ABCG5: variants seen among roughly 807,000 people sequenced by gnomAD.
The protein encoded by ABCG5 is ATP binding cassette subfamily G member 5.
Under a neutral mutation model 64.5 loss-of-function variants are expected in ABCG5, and 64 were observed. The observed-to-expected ratio is 0.99, with a 90% confidence interval of 0.81 to 1.22. The LOEUF is 1.22. Ranked by LOEUF, ABCG5 falls within the 50% of genes most tolerant of loss-of-function variation. The pLI is 0.00. For synonymous variants in ABCG5, 385 were observed against 326.3 expected (o/e 1.18, Z -1.94); for missense variants, 908 against 829.5 (o/e 1.09, Z -1.16).
intron 2 of ABCG5, 77 bp from the exon 3 acceptor site, chr2:43,832,160 C>A: frequency 3.2e-6 from 5 of 1,543,304 alleles, no homozygotes; most frequent in Non-Finnish European, 4.4e-6. Context: ...ACCCTCTGTG[C>A]AGGCATGACC....
Position 43,838,459 on chromosome 2 carries a change from G to A in ABCG5, c.143+78C>T, listed in dbSNP as rs184460585. The A allele has an allele frequency of 2.4e-5, 34 of 1,420,788 alleles. No individual in the cohort carries two copies. In the Admixed American group the frequency reaches 4.6e-4, roughly 19 times the overall value. The allele number at this position is 1,420,788 out of a possible 1,614,324, so 88.0% of individuals were successfully genotyped here. On this transcript the variant is annotated intron_variant, in intron 1 of 12. Transcript: ENST00000405322. The surrounding 1 kb of genome is among the most constrained non-coding windows in gnomAD (Gnocchi z 4.2). Reference sequence around the variant, plus strand: ...AAGTGCCCAGACTGGCACTTAAAGAGTGAAGAAAGGCAGCAGAGGGGTGAG... The same window carrying A: ...AAGTGCCCAGACTGGCACTTAAAGAATGAAGAAAGGCAGCAGAGGGGTGAG...
Position 43,822,480 on chromosome 2 carries a change from C to G in ABCG5, c.1463+317G>C, listed in dbSNP as rs565656392. The G allele has an allele frequency of 5.0e-4, 371 of 737,028 alleles. 35 individuals carry two copies. The highest frequency in any genetic ancestry group is 2.3e-3 in the South Asian group (36 of 15,798). The allele number at this position is 737,028 out of a possible 1,614,324, so 45.7% of individuals were successfully genotyped here. On this transcript the variant is annotated intron_variant, in intron 10 of 12. Coordinates refer to ENST00000405322, the MANE Select transcript of ABCG5 (RefSeq NM_022436.3). ...GGCTGCTTTCTCCCCTCCCCCAGGC[C>G]CCCCCCCATGCACCTGGGTCCTAGC...
At chr2:43,810,711 G>A (rs965685807), downstream of ABCG5, among the ~76,000 whole-genome samples, 1 of 152,160 alleles carries the variant, frequency 6.6e-6, no homozygotes, top group African/African-American at 2.4e-5. Flanking sequence ...CAGTACGTAT[G>A]GTTCTGACAC....
In ABCG5 at chr2:43,824,098, AC is replaced by A. The variant is rs755809709; in HGVS notation, c.1138del (p.Val380Ter). 3 of 1,613,850 alleles carry A rather than the reference AC, an allele frequency of 1.9e-6. No homozygotes were observed. Among genetic ancestry groups the A allele is most frequent in the Non-Finnish European group, 2.5e-6 (3 of 1,179,720 alleles). ...CGTAATCACTGCCAGCTTATTTCTC[AC>A]CAAGTTTCTTGTCACTCTCCTGAAA... ...VLLRRVTRNLVRNKLAVITRL... is the reference protein window; with the variant it reads ...VLLRRVTRNLXRNKLAVITRL... On this transcript the variant is annotated frameshift_variant, in exon 9 of 13. Coordinates refer to ENST00000405322, the MANE Select transcript of ABCG5 (RefSeq NM_022436.3). LOFTEE classifies it high-confidence loss of function.
intron 11 of ABCG5, among the ~76,000 whole-genome samples, chr2:43,816,433 GGA>G (rs10578398): frequency 0.16 from 23,622 of 152,158 alleles, 1,938 homozygotes; most frequent in South Asian, 0.22. Context: ...TGCAGGTGGC[GGA>G]GAGAGAGAAA....
intron 9 of ABCG5, among the ~76,000 whole-genome samples, chr2:43,823,710 C>G (rs921636138): frequency 2.0e-5 from 3 of 152,144 alleles, no homozygotes; most frequent in African/African-American, 7.2e-5. Flanking sequence ...GATCCTTAGC[C>G]CTCAGAGAGA....
rs374134160 is a variant in ABCG5, at chr2:43,838,486, G to A, written c.143+51C>T. On this transcript the variant is annotated intron_variant, in intron 1 of 12. Coordinates refer to ENST00000405322, the MANE Select transcript of ABCG5 (RefSeq NM_022436.3). This position sits in a 1 kb window ranked among gnomAD's most constrained non-coding sequence, Gnocchi z 4.2. ...GAAGAAAGGCAGCAGAGGGGTGAGC[G>A]CCGGGCCCCGCACTCCTGGGGGAGC... 4.4e-4 allele frequency: 674 copies of A among 1,535,204 alleles called. 4 individuals are homozygous for A. Among genetic ancestry groups the A allele is most frequent in the Middle Eastern group, 2.1e-4 (1 of 4,768 alleles).
intron 11 of ABCG5, among the ~76,000 whole-genome samples, chr2:43,817,045 G>GGAAT (rs1411225860): frequency 6.6e-6 from 1 of 152,200 alleles, no homozygotes; most frequent in African/African-American, 2.4e-5. Context: ...ATGGGTAAAT[G>GGAAT]GAATGACTAG....
chr2:43,819,794 A>T, intron 11 of ABCG5, 121 bp downstream of exon 11: 1 of 1,056,492 alleles, frequency 9.5e-7, no homozygotes, highest in Non-Finnish European at 1.4e-6. Flanking sequence ...AATGCTCTAG[A>T]CTATAAGGTA....
rs539737605 is a variant in ABCG5, at chr2:43,815,861, C to T, written c.1650-1272G>A. Reference sequence around the variant, plus strand: ...CAGCATTCTGAGAAAATTAACGTGACTCCAGCAAGAAGGATGGCTAGAATG... The same window carrying T: ...CAGCATTCTGAGAAAATTAACGTGATTCCAGCAAGAAGGATGGCTAGAATG... On this transcript the variant is annotated intron_variant, in intron 11 of 12. Transcript: ENST00000405322. Among the ~76,000 whole-genome samples, 107 of 148,620 alleles carry T rather than the reference C, an allele frequency of 7.2e-4. No individual in the cohort carries two copies. The Middle Eastern group carries it at 0.02, about 28-fold the overall frequency.
intron 9 of ABCG5, 130 bp downstream of exon 9, chr2:43,823,783 A>G (rs1667405739): frequency 9.5e-7 from 1 of 1,054,118 alleles, no homozygotes; most frequent in South Asian, 1.7e-5. Context: ...TTCCCCAGAG[A>G]GGGAACCTGG....
rs963385022 is a variant in ABCG5 at position 43,838,818 on chromosome 2, T to G, written c.-139A>C. On this transcript the variant is annotated 5_prime_UTR_variant, in exon 1 of 13. Transcript: ENST00000405322. This position sits in a 1 kb window ranked among gnomAD's most constrained non-coding sequence, Gnocchi z 4.2. ...TCCCTTGGGACAGCAGGACTGGGAC[T>G]TGGCCACGGAGACCATTATCTGATG... 1.5e-5 allele frequency: 23 copies of G among 1,489,330 alleles called. No homozygotes were observed. The highest frequency in any genetic ancestry group is 2.0e-5 in the Non-Finnish European group (22 of 1,096,646). The allele number at this position is 1,489,330 out of a possible 1,614,324, so 92.3% of individuals were successfully genotyped here.
At chr2:43,807,081 C>T in the ABCG5 span, among the ~76,000 whole-genome samples, 99 of 152,082 alleles carry the variant, frequency 6.5e-4, no homozygotes, top group Middle Eastern at 6.8e-3. Context: ...ATTGATAATC[C>T]GAATCTAAAT....
At chr2:43,810,145 A>C (rs1666432273), downstream of ABCG5, 1 of 352,920 alleles carries the variant, frequency 2.8e-6, no homozygotes, top group Admixed American at 6.4e-5. Flanking sequence ...CATTCTTTCT[A>C]AAAGGCATTC....
rs768802295 is a variant in ABCG5 at position 43,832,237 on chromosome 2, C to A, written c.266-154G>T. On this transcript the variant is annotated intron_variant, in intron 2 of 12. Transcript: ENST00000405322. ...GTTAAGGACACAGCAGGATACAGGC[C>A]CTGCCCTATGGAACGCGCACTGTGC... 125 of 1,060,238 alleles carry A rather than the reference C, an allele frequency of 1.2e-4. No individual in the cohort carries two copies. The Middle Eastern group carries it at 2.2e-3, about 18-fold the overall frequency. The allele number at this position is 1,060,238 out of a possible 1,614,324, so 65.7% of individuals were successfully genotyped here.
Position 43,831,977 on chromosome 2 carries a change from C to G in ABCG5, c.372G>C (p.Gln124His). Residue 124 changes from glutamine to histidine, a missense_variant, in exon 3 of 13, where the codon CAG becomes CAC. Coordinates refer to ENST00000405322, the MANE Select transcript of ABCG5 (RefSeq NM_022436.3). The stretch of plus-strand genomic sequence containing the variant: ...GGACGTAGGAGAAGCAGTCCTGGAA[C>G]TGCTCCCGGCGCAGCGCCCGGCCGT... The part of the protein sequence containing the change: ...YVNGRALRRE[Q>H]FQDCFSYVLQ... 1 of 1,552,286 alleles carries G rather than the reference C, an allele frequency of 6.4e-7. No homozygotes were observed. Among genetic ancestry groups the G allele is most frequent in the Admixed American group, 2.0e-5 (1 of 51,118 alleles).
At chr2:43,818,261 TG>T (rs1487696591) in intron 11 of ABCG5, among the ~76,000 whole-genome samples, 1 of 152,016 alleles carries the variant, frequency 6.6e-6, no homozygotes, top group Non-Finnish European at 1.5e-5. Context: ...CTGGCCAACA[TG>T]GCGAAACCCC....
chr2:43,815,931 C>G (rs1011087653), intron 11 of ABCG5, among the ~76,000 whole-genome samples: 2 of 138,114 alleles, frequency 1.4e-5, no homozygotes, highest in Admixed American at 1.4e-4. Context: ...AAAAAAAGGA[C>G]CAGACTACAA....
intron 11 of ABCG5, among the ~76,000 whole-genome samples, chr2:43,819,367 T>A (rs1310931943): frequency 6.6e-5 from 10 of 152,150 alleles, no homozygotes; most frequent in Non-Finnish European, 1.5e-4. Flanking sequence ...AGAAAAAAAT[T>A]AAAATCAATA....
Sources: allele counts gnomAD v4.1 joint callset (sites outside exome capture counted in the v4.1 genomes callset), GRCh38; gene constraint gnomAD v4.1.1; non-coding constraint Gnocchi (gnomAD v3.1); transcripts MANE v1.5; gene names NCBI Gene and HGNC (gene_info 2026-07-23, HGNC 2026-07-21).